RBPMS: variants seen among roughly 807,000 people sequenced by gnomAD.
The protein encoded by RBPMS is RNA-binding protein with multiple splicing.
A neutral mutation model predicts 26.8 loss-of-function variants in RBPMS; 7 were observed. That is an observed-to-expected ratio of 0.26 (90% CI 0.15 to 0.49). The LOEUF (loss-of-function observed/expected upper bound fraction) is 0.49. RBPMS is among the 20% of genes least tolerant of loss of function. RBPMS has a pLI of 0.98. For synonymous variants in RBPMS, 96 were observed against 93.3 expected (o/e 1.03, Z -0.17); for missense variants, 186 against 250.0 (o/e 0.74, Z 1.73).
intron 1 of RBPMS, among the ~76,000 whole-genome samples, chr8:30,459,108 C>T (rs1237438838): frequency 1.3e-5 from 2 of 151,804 alleles, no homozygotes; most frequent in African/African-American, 2.4e-5. Context: ...GGATTACAGG[C>T]GTGCCACCAC....
rs1815545762 is a variant in RBPMS at position 30,458,816 on chromosome 8, A to G, written c.67-15963A>G. 2.6e-5 allele frequency among the ~76,000 whole-genome samples: 4 copies of G among 152,138 alleles called. 1 individual carries two copies. Among genetic ancestry groups the G allele is most frequent in the Admixed American group, 1.3e-4 (2 of 15,274 alleles). On this transcript the variant is annotated intron_variant, in intron 1 of 8. Coordinates refer to ENST00000397323, the MANE Select transcript of RBPMS (RefSeq NM_001008710.3). ...AGCCTCAACCTCCTGGGCTCAGTTG[A>G]TCCTCCTGCCTCAGTCTCCTGTGTA...
chr8:30,417,969 A>T (rs1810298744), intron 1 of RBPMS, among the ~76,000 whole-genome samples: 1 of 152,232 alleles, frequency 6.6e-6, no homozygotes, highest in Non-Finnish European at 1.5e-5. Context: ...ATGTGTTACC[A>T]TACGTAACAC....
chr8:30,503,864 A>G (rs945425367), intron 4 of RBPMS, among the ~76,000 whole-genome samples: 1 of 152,156 alleles, frequency 6.6e-6, no homozygotes, highest in Non-Finnish European at 1.5e-5. Flanking sequence ...AAAGGTTCCA[A>G]ATAGACTTGT....
intron 5 of RBPMS, among the ~76,000 whole-genome samples, chr8:30,540,408 G>C (rs2979513): frequency 0.19 from 29,101 of 152,046 alleles, 3,126 homozygotes; most frequent in South Asian, 0.39. Flanking sequence ...GTCATAGAAG[G>C]GTTTTAAGCG....
At chr8:30,528,051 T>A (rs1245028986) in intron 5 of RBPMS, among the ~76,000 whole-genome samples, 1 of 151,990 alleles carries the variant, frequency 6.6e-6, no homozygotes, top group Non-Finnish European at 1.5e-5. Context: ...GGCGGGCGCC[T>A]GTAATCCCAG....
chr8:30,474,044 C>T (rs1020222091), intron 1 of RBPMS, among the ~76,000 whole-genome samples: 1 of 152,012 alleles, frequency 6.6e-6, no homozygotes, highest in African/African-American at 2.4e-5. Context: ...ATGTGTTTAC[C>T]TTTGTAACCT....
At chr8:30,461,425 C>G (rs1004022694) in intron 1 of RBPMS, among the ~76,000 whole-genome samples, 1 of 152,140 alleles carries the variant, frequency 6.6e-6, no homozygotes, top group Non-Finnish European at 1.5e-5. Context: ...GATGAAGCCT[C>G]GCCCTGTCGC....
In RBPMS at chr8:30,515,299, T is replaced by C. The variant is rs1355424272; in HGVS notation, c.397+10863T>C. Among the ~76,000 whole-genome samples, 17 of 152,178 alleles carry C rather than the reference T, an allele frequency of 1.1e-4. 1 individual carries two copies. Among genetic ancestry groups the C allele is most frequent in the Admixed American group, 1.1e-3 (17 of 15,280 alleles). ...GACAATGGATTTTAATGGAACATAA[T>C]AGGAAAGCTCATTGATAAGGTTTCA... is the stretch of plus-strand genomic sequence containing the variant. On this transcript the variant is annotated intron_variant, in intron 5 of 8. Coordinates refer to ENST00000397323, the MANE Select transcript of RBPMS (RefSeq NM_001008710.3).
intron 5 of RBPMS, among the ~76,000 whole-genome samples, chr8:30,529,501 T>TA (rs1012565472): frequency 4.7e-5 from 7 of 147,416 alleles, no homozygotes; most frequent in Admixed American, 1.4e-4. Flanking sequence ...AAACTCCACC[T>TA]AAAAAAAAAG....
chr8:30,478,491 T>C (rs1214952990), intron 3 of RBPMS, among the ~76,000 whole-genome samples: 4 of 150,622 alleles, frequency 2.7e-5, no homozygotes. Context: ...ACAGCCTAAT[T>C]AAGAATATGA....
At chr8:30,502,894 G>C (rs573397002) in intron 4 of RBPMS, among the ~76,000 whole-genome samples, 16 of 152,124 alleles carry the variant, frequency 1.1e-4, no homozygotes, top group Non-Finnish European at 2.2e-4. Flanking sequence ...CACAATATCA[G>C]TTAAAGAAAA....
chr8:30,497,587 T>C (rs1820107032), intron 4 of RBPMS, among the ~76,000 whole-genome samples: 1 of 151,950 alleles, frequency 6.6e-6, no homozygotes, highest in Non-Finnish European at 1.5e-5. Context: ...CTTAGCTCTC[T>C]CTAGAAAATG....
At chr8:30,561,448 G>C (rs963950671) in intron 7 of RBPMS, among the ~76,000 whole-genome samples, 3 of 152,204 alleles carry the variant, frequency 2.0e-5, no homozygotes, top group African/African-American at 7.2e-5. Flanking sequence ...TCCATTGTCA[G>C]AGGCTGGTAG....
At chr8:30,450,524 G>A (rs1814439321) in intron 1 of RBPMS, among the ~76,000 whole-genome samples, 1 of 152,086 alleles carries the variant, frequency 6.6e-6, no homozygotes, top group Non-Finnish European at 1.5e-5. Context: ...ATACTGACTG[G>A]CAGCTCCCAG....
intron 7 of RBPMS, among the ~76,000 whole-genome samples, chr8:30,561,661 C>T (rs1163073921): frequency 1.3e-5 from 2 of 152,132 alleles, no homozygotes; most frequent in East Asian, 1.9e-4. Context: ...GAGTGGAGAG[C>T]GGGCTGGAGA....
At chr8:30,524,897 T>C (rs1326781960) in intron 5 of RBPMS, among the ~76,000 whole-genome samples, 4 of 152,196 alleles carry the variant, frequency 2.6e-5, no homozygotes, top group African/African-American at 9.6e-5. Context: ...ATTAGTACTA[T>C]TTATAAAAAG....
At chr8:30,469,801 A>G (rs4285443) in intron 1 of RBPMS, among the ~76,000 whole-genome samples, 29,798 of 152,168 alleles carry the variant, frequency 0.2, 3,284 homozygotes, top group South Asian at 0.39. Context: ...TTTGGGGAAC[A>G]GTTTTGTTAA....
chr8:30,556,080 G>A (rs1826878514), intron 6 of RBPMS: 1 of 985,294 alleles, frequency 1.0e-6, no homozygotes, highest in Non-Finnish European at 1.2e-6. Flanking sequence ...GGCAGCCGTG[G>A]GTGTCTGTGG....
chr8:30,460,657 G>T (rs1038786428), intron 1 of RBPMS, among the ~76,000 whole-genome samples: 6 of 152,080 alleles, frequency 3.9e-5, no homozygotes, highest in African/African-American at 1.4e-4. Context: ...TTATACTACC[G>T]TAAAAAGTAG....
Sources: gnomAD v4.1 joint callset for allele counts (sites outside exome capture counted in the v4.1 genomes callset) on GRCh38, gnomAD v4.1.1 for gene constraint, MANE v1.5 for transcripts, NCBI Gene and HGNC (gene_info 2026-07-23, HGNC 2026-07-21) for gene names.